Variants in SOCS5 observed in about 807,000 individuals in gnomAD.
SOCS5 encodes suppressor of cytokine signaling 5.
SOCS5 carries 32 observed loss-of-function variants against 42.8 expected under a neutral mutation model. That is an observed-to-expected ratio of 0.75 (90% CI 0.56 to 1.01). The LOEUF is 1.01. Among genes scored for constraint, SOCS5 ranks in the 50% least tolerant of loss-of-function variants. The pLI, the probability that SOCS5 is intolerant of heterozygous loss-of-function variation, is 0.00. For missense variants in SOCS5, 627 were observed against 653.0 expected, an observed-to-expected ratio of 0.96 and a Z score of 0.43; for synonymous variants, 283 against 229.6, an observed-to-expected ratio of 1.23 and a Z score of -2.10.
chr2:46,754,052 A>G (rs771672038), intron 1 of SOCS5, among the ~76,000 whole-genome samples: 2 of 152,044 alleles, frequency 1.3e-5, no homozygotes, highest in Non-Finnish European at 2.9e-5. Flanking sequence ...GTGACTTAGA[A>G]TGCCTAACCC....
At position 46,739,665 on chromosome 2, in the gene SOCS5, G is replaced by A. The variant is rs75510033; in HGVS notation, c.-12-18854G>A. Among the ~76,000 whole-genome samples the A allele has an allele frequency of 7.1e-3, 1,073 of 152,140 alleles. 19 individuals are homozygous for A. The highest frequency in any genetic ancestry group is 0.025 in the African/African-American group (1,028 of 41,508). On this transcript the variant is annotated intron_variant, in intron 1 of 1. Coordinates refer to ENST00000394861, the MANE Select transcript of SOCS5 (RefSeq NM_144949.3). ...CCCCACCCCATCGCATCCCCCAGAA[G>A]TAACCATATTCTTACTTTTGTGAAC...
chr2:46,732,687 A>G (rs1406818163), intron 1 of SOCS5, among the ~76,000 whole-genome samples: 1 of 152,226 alleles, frequency 6.6e-6, no homozygotes, highest in African/African-American at 2.4e-5. Flanking sequence ...GATAGTTTGA[A>G]GCAGGCCCAG....
Position 46,720,669 on chromosome 2 carries a change from A to G in SOCS5, c.-13+21220A>G, listed in dbSNP as rs186427639. 2.6e-5 allele frequency among the ~76,000 whole-genome samples: 4 copies of G among 152,292 alleles called. No individual in the cohort carries two copies. The East Asian group carries it at 5.8e-4, about 22-fold the overall frequency. On this transcript the variant is annotated intron_variant, in intron 1 of 1. Coordinates refer to ENST00000394861, the MANE Select transcript of SOCS5 (RefSeq NM_144949.3). ...ATTCATTGTATTTGTAGATTGTGGTATTGTAAGGGATCTGGTCCAATTCCC... is the reference window on the plus strand; with the variant it reads ...ATTCATTGTATTTGTAGATTGTGGTGTTGTAAGGGATCTGGTCCAATTCCC...
intron 1 of SOCS5, among the ~76,000 whole-genome samples, chr2:46,704,360 T>A (rs567769849): frequency 6.6e-6 from 1 of 152,088 alleles, no homozygotes; most frequent in Non-Finnish European, 1.5e-5. Flanking sequence ...ATAATAGATA[T>A]AGGGAAAATG....
At chr2:46,752,003 A>G (rs1673632632) in intron 1 of SOCS5, among the ~76,000 whole-genome samples, 1 of 152,206 alleles carries the variant, frequency 6.6e-6, no homozygotes. Flanking sequence ...ATTTACTTGC[A>G]TGTTGCCTAT....
At chr2:46,721,356 A>G (rs574023313) in intron 1 of SOCS5, among the ~76,000 whole-genome samples, 1 of 152,230 alleles carries the variant, frequency 6.6e-6, no homozygotes, top group East Asian at 1.9e-4. Context: ...TCTCTTTTGT[A>G]TGACCCTTAG....
intron 1 of SOCS5, among the ~76,000 whole-genome samples, chr2:46,731,508 A>C (rs959713522): frequency 6.6e-6 from 1 of 152,222 alleles, no homozygotes; most frequent in Non-Finnish European, 1.5e-5. Context: ...CCTGCCCTCA[A>C]GGAGTTTACT....
Position 46,729,186 on chromosome 2 carries a change from T to C in SOCS5, c.-12-29333T>C, listed in dbSNP as rs896502482. On this transcript the variant is annotated intron_variant, in intron 1 of 1. Coordinates refer to ENST00000394861, the MANE Select transcript of SOCS5 (RefSeq NM_144949.3). The stretch of plus-strand genomic sequence containing the variant: ...GTTTTTCACCATTGTTTGAGACATA[T>C]GCTATATGCTAAAATCTAATTTTTT... Among the ~76,000 whole-genome samples, 3 of 152,236 alleles carry C rather than the reference T, an allele frequency of 2.0e-5. No homozygotes were observed. The East Asian group carries it at 5.8e-4, about 29-fold the overall frequency.
intron 1 of SOCS5, among the ~76,000 whole-genome samples, chr2:46,703,910 G>A (rs1002454789): frequency 6.6e-6 from 1 of 152,134 alleles, no homozygotes; most frequent in African/African-American, 2.4e-5. Flanking sequence ...TAATTAGGCT[G>A]GATTGTTGAC....
At chr2:46,709,138 C>A (rs1210565301) in intron 1 of SOCS5, among the ~76,000 whole-genome samples, 2 of 152,164 alleles carry the variant, frequency 1.3e-5, no homozygotes, top group African/African-American at 4.8e-5. Context: ...CCCGCCTTGG[C>A]CTCCCAAAGT....
chr2:46,702,851 C>G (rs978981963), intron 1 of SOCS5, among the ~76,000 whole-genome samples: 1 of 152,160 alleles, frequency 6.6e-6, no homozygotes, highest in Middle Eastern at 3.2e-3. Context: ...TGGTGTATCA[C>G]TTAAAGAATG....
At chr2:46,708,910 T>C (rs1466750379) in intron 1 of SOCS5, among the ~76,000 whole-genome samples, 3 of 116,466 alleles carry the variant, frequency 2.6e-5, no homozygotes, top group African/African-American at 1.0e-4. Context: ...TTTTTTGAGA[T>C]AGGGTCTCGC....
In SOCS5 at chr2:46,758,733, G is replaced by A; in HGVS notation, c.203G>A (p.Gly68Glu). 10 of 1,614,072 alleles carry A rather than the reference G, an allele frequency of 6.2e-6. No homozygotes were observed. Among genetic ancestry groups the A allele is most frequent in the East Asian group, 2.2e-5 (1 of 44,854 alleles). Residue 68 changes from glycine to glutamate, a missense_variant, in exon 2 of 2, where the codon GGA (glycine) becomes GAA (glutamate). Transcript: ENST00000394861. Reference sequence around the variant, plus strand: ...AGAGAAAATATTGCCTTACAACTGGGATTAAGCCCTTCGAAGAATTCTTCA... The same window carrying A: ...AGAGAAAATATTGCCTTACAACTGGAATTAAGCCCTTCGAAGAATTCTTCA... ...PLRENIALQL[G>E]LSPSKNSSRR...
Position 46,759,453 on chromosome 2 carries a change from C to T in SOCS5, c.923C>T (p.Thr308Ile), listed in dbSNP as rs778915403. 1.2e-6 allele frequency: 2 copies of T among 1,613,944 alleles called. No homozygotes were observed. Among genetic ancestry groups the T allele is most frequent in the Admixed American group, 1.7e-5 (1 of 60,016 alleles). ...KLGPKLAPGM[T>I]EISGDSSAIP... ...GGACCAAAATTAGCTCCTGGAATGA[C>T]TGAAATAAGTGGGGACAGTTCTGCA... is the stretch of plus-strand genomic sequence containing the variant. The change falls in exon 2 of 2, where the codon ACT becomes ATT. Residue 308 changes from threonine (T) to isoleucine (I), a missense_variant. Thr to Ile is a moderately conservative substitution (Grantham distance 89). Transcript: ENST00000394861.
intron 1 of SOCS5, among the ~76,000 whole-genome samples, chr2:46,753,359 A>G (rs1673665957): frequency 1.3e-5 from 2 of 152,182 alleles, no homozygotes; most frequent in Non-Finnish European, 2.9e-5. Flanking sequence ...ACAAATTTTA[A>G]TTATGATTGT....
At chr2:46,755,477 A>G (rs1167724126) in intron 1 of SOCS5, among the ~76,000 whole-genome samples, 1 of 152,186 alleles carries the variant, frequency 6.6e-6, no homozygotes, top group African/African-American at 2.4e-5. Flanking sequence ...ATCCAGTTAA[A>G]TATAATTTTT....
intron 1 of SOCS5, among the ~76,000 whole-genome samples, chr2:46,727,175 G>T: frequency 9.7e-6 from 1 of 102,678 alleles, no homozygotes; most frequent in Non-Finnish European, 1.9e-5. Context: ...TTGAAACGGA[G>T]TCTTGCTCTG....
At chr2:46,736,422 C>T (rs765917648) in intron 1 of SOCS5, among the ~76,000 whole-genome samples, 8 of 152,152 alleles carry the variant, frequency 5.3e-5, no homozygotes, top group Non-Finnish European at 5.9e-5. Flanking sequence ...CACCATCTAT[C>T]TGCAGAACTT....
chr2:46,750,181 G>T (rs1673592959), intron 1 of SOCS5, among the ~76,000 whole-genome samples: 1 of 152,020 alleles, frequency 6.6e-6, no homozygotes, highest in Non-Finnish European at 1.5e-5. Flanking sequence ...TTGTTTTATT[G>T]CCTATCCGCT....
Sources: gnomAD v4.1 joint callset for allele counts (sites outside exome capture counted in the v4.1 genomes callset) on GRCh38, gnomAD v4.1.1 for gene constraint, MANE v1.5 for transcripts, NCBI Gene and HGNC (gene_info 2026-07-23, HGNC 2026-07-21) for gene names.